POLE2: variants seen among roughly 807,000 people sequenced by gnomAD.
The protein encoded by POLE2 is DNA polymerase epsilon 2, accessory subunit.
In POLE2, 56 loss-of-function variants were observed where a neutral mutation model predicts 79.4. The observed-to-expected ratio is 0.71, with a 90% CI of 0.57 to 0.88. The LOEUF (loss-of-function observed/expected upper bound fraction) is 0.88. Ranked by LOEUF, POLE2 falls within the 40% of genes least tolerant of loss-of-function variation. The probability of loss-of-function intolerance (pLI) is 0.00; values close to 1 mark genes in which losing one functional copy is unlikely to be tolerated. For synonymous variants in POLE2, 212 were observed against 214.0 expected (o/e 0.99, Z 0.08); for missense variants, 598 against 638.9 (o/e 0.94, Z 0.69).
intron 10 of POLE2, among the ~76,000 whole-genome samples, chr14:49,657,988 T>C (rs1382617195): frequency 2.0e-5 from 3 of 152,090 alleles, no homozygotes; most frequent in Admixed American, 1.3e-4. Context: ...GAGATTCAAA[T>C]GCCCCCTCCC....
intron 18 of POLE2, among the ~76,000 whole-genome samples, chr14:49,646,302 G>GGTTTTTT (rs1883757411): frequency 1.2e-5 from 1 of 84,554 alleles, no homozygotes; most frequent in Non-Finnish European, 2.1e-5. Flanking sequence ...TTTTTTGTTG[G>GGTTTTTT]TTTTTTTTTT....
intron 6 of POLE2, 53 bp from the exon 7 acceptor site, chr14:49,666,466 AC>A: frequency 1.3e-6 from 1 of 756,746 alleles, no homozygotes; most frequent in Admixed American, 3.0e-5. Context: ...CTTTCAAGAA[AC>A]AAAACTTTTT....
At chr14:49,653,582 G>A (rs541670855) in intron 15 of POLE2, among the ~76,000 whole-genome samples, 54 of 151,960 alleles carry the variant, frequency 3.6e-4, no homozygotes, top group African/African-American at 1.2e-3. Flanking sequence ...CATAACAGTC[G>A]AAATTCAGAG....
rs778694187 is a variant in POLE2 at position 49,688,165 on chromosome 14, G to A, written c.39C>T (p.Ala13=). The change falls in exon 1 of 19, where the codon GCC becomes GCT. Residue 13 remains alanine (A), a synonymous_variant. Coordinates refer to ENST00000216367, the MANE Select transcript of POLE2 (RefSeq NM_002692.4). ...GGAGCAGCAAGCCCCGCAACTTGAA[G>A]GCGGAGAGCGCCCGGCTCCGCAGCC... ...PERLRSRALS[A]FKLRGLLLRG... is the part of the protein sequence containing the mutation. 55 of 1,552,002 alleles carry A rather than the reference G, an allele frequency of 3.5e-5. No individual in the cohort carries two copies. In the Admixed American group the frequency reaches 8.3e-4, roughly 23 times the overall value.
intron 15 of POLE2, 100 bp downstream of exon 15, chr14:49,653,890 C>T (rs1884458256): frequency 1.5e-6 from 1 of 663,788 alleles, no homozygotes; most frequent in Non-Finnish European, 2.6e-6. Context: ...ACCTGCCTGC[C>T]TCGGCCTCCC....
At position 49,688,122 on chromosome 14, in the gene POLE2, C is replaced by T. The variant is rs759986965; in HGVS notation, c.68+14G>A. 2.7e-5 allele frequency: 42 copies of T among 1,548,022 alleles called. No homozygotes were observed. The East Asian group carries it at 3.3e-4, about 12-fold the overall frequency. The stretch of plus-strand genomic sequence containing the variant: ...TCTTCCCTCTCGCCCTTCAAGCTGC[C>T]CGAGCCCACTCACCCACGGAGCAGC... On this transcript the variant is annotated intron_variant, in intron 1 of 18. Transcript: ENST00000216367.
At chr14:49,678,902 C>T (rs560444278) in intron 3 of POLE2, among the ~76,000 whole-genome samples, 2 of 152,234 alleles carry the variant, frequency 1.3e-5, no homozygotes, top group South Asian at 4.1e-4. Context: ...AGTGATCCAG[C>T]CACCTTGGCC....
intron 10 of POLE2, among the ~76,000 whole-genome samples, 199 bp downstream of exon 10, chr14:49,663,116 T>G (rs1885203208): frequency 6.6e-6 from 1 of 152,220 alleles, no homozygotes; most frequent in Non-Finnish European, 1.5e-5. Flanking sequence ...AAGACGGTAT[T>G]GCAACTAATT....
intron 8 of POLE2, 60 bp from the exon 9 acceptor site, chr14:49,664,734 T>C: frequency 9.6e-7 from 1 of 1,037,056 alleles, no homozygotes; most frequent in South Asian, 1.3e-5. Flanking sequence ...TCAACATACA[T>C]TTTGAGTCCA....
chr14:49,671,676 T>C (rs1389369797), intron 5 of POLE2, among the ~76,000 whole-genome samples: 2 of 147,758 alleles, frequency 1.4e-5, no homozygotes, highest in Non-Finnish European at 3.0e-5. Context: ...GAGATTCAGC[T>C]GGGCATGGTG....
At chr14:49,681,180 T>C (rs974281568) in intron 2 of POLE2, 2 of 156,664 alleles carry the variant, frequency 1.3e-5, no homozygotes, top group African/African-American at 4.8e-5. Flanking sequence ...TATCAGACTT[T>C]TTTTCCAAGG....
intron 2 of POLE2, among the ~76,000 whole-genome samples, chr14:49,682,899 C>G (rs1406791463): frequency 6.6e-6 from 1 of 150,844 alleles, no homozygotes; most frequent in Non-Finnish European, 1.5e-5. Context: ...TTTTTTCCTC[C>G]CAAACATTTA....
At position 49,650,385 on chromosome 14, in the gene POLE2, G is replaced by T; in HGVS notation, c.1377C>A (p.Cys459Ter). 1 of 1,595,298 alleles carries T rather than the reference G, an allele frequency of 6.3e-7. No individual in the cohort carries two copies. The highest frequency in any genetic ancestry group is 8.6e-7 in the Non-Finnish European group (1 of 1,168,710). Reference protein sequence around the residue: ...GHLTPLPLYVCPVYWAYDYAL... With the variant: ...GHLTPLPLYV ...CATAGTCATATGCCCAATACACTGG[G>T]CAGACATAAAGAGGTAGGGGAGTCA... The change falls in exon 17 of 19, where the codon TGC becomes TGA. Residue 459 changes from cysteine (C) to a stop codon, truncating the protein, a stop_gained. Transcript: ENST00000216367. LOFTEE classifies it high-confidence loss of function.
At chr14:49,663,533 A>G in intron 9 of POLE2, 146 bp from the exon 10 acceptor site, 1 of 447,476 alleles carries the variant, frequency 2.2e-6, no homozygotes, top group Non-Finnish European at 4.0e-6. Context: ...AACCACAGTG[A>G]ACAACTTTAG....
intron 11 of POLE2, 141 bp downstream of exon 11, chr14:49,655,530 G>T: frequency 9.6e-6 from 6 of 621,934 alleles, no homozygotes; most frequent in Non-Finnish European, 1.6e-5. Flanking sequence ...TCTTTAAAAT[G>T]AAATCTAATT....
intron 1 of POLE2, among the ~76,000 whole-genome samples, chr14:49,684,915 T>C (rs1307817310): frequency 2.6e-5 from 4 of 152,184 alleles, no homozygotes; most frequent in South Asian, 2.1e-4. Context: ...AGGCGGAGCT[T>C]GCAGTGAGCG....
At chr14:49,652,119 C>T (rs2139615020) in intron 15 of POLE2, among the ~76,000 whole-genome samples, 1 of 152,050 alleles carries the variant, frequency 6.6e-6, no homozygotes, top group East Asian at 1.9e-4. Flanking sequence ...TGGGATATGC[C>T]TTATGCTTTA....
intron 2 of POLE2, among the ~76,000 whole-genome samples, chr14:49,683,325 C>T (rs937474351): frequency 6.6e-6 from 1 of 152,016 alleles, no homozygotes; most frequent in Non-Finnish European, 1.5e-5. Flanking sequence ...TTGCTTGAAC[C>T]CGGGAGGTGG....
chr14:49,649,229 C>T (rs1594625099), intron 17 of POLE2, among the ~76,000 whole-genome samples: 1 of 142,656 alleles, frequency 7.0e-6, no homozygotes, highest in South Asian at 2.2e-4. Flanking sequence ...TCACTACAAG[C>T]TCTGTCTCCC....
Sources: allele counts gnomAD v4.1 joint callset (sites outside exome capture counted in the v4.1 genomes callset), GRCh38; gene constraint gnomAD v4.1.1; transcripts MANE v1.5; gene names NCBI Gene and HGNC (gene_info 2026-07-23, HGNC 2026-07-21).